KCNMB2: variants seen among roughly 807,000 people sequenced by gnomAD.
KCNMB2 encodes potassium calcium-activated channel subfamily M regulatory beta subunit 2.
In KCNMB2, 9 loss-of-function variants were observed where a neutral mutation model predicts 24.5. That is an observed-to-expected ratio of 0.37 (90% CI 0.22 to 0.64). The LOEUF is 0.64. Ranked by LOEUF, KCNMB2 falls within the 30% of genes least tolerant of loss-of-function variation. The pLI is 0.63. For missense variants in KCNMB2, 226 were observed against 284.3 expected (o/e 0.79, Z 1.47); for synonymous variants, 109 against 104.4 (o/e 1.04, Z -0.27).
intron 1 of KCNMB2, among the ~76,000 whole-genome samples, chr3:178,679,569 T>C (rs1252258047): frequency 6.6e-6 from 1 of 152,224 alleles, no homozygotes; most frequent in Non-Finnish European, 1.5e-5. Context: ...CAGAGTGACA[T>C]GCTGATTTAG....
intron 1 of KCNMB2, among the ~76,000 whole-genome samples, chr3:178,632,950 T>C (rs990090265): frequency 6.6e-6 from 1 of 152,194 alleles, no homozygotes; most frequent in African/African-American, 2.4e-5. Context: ...ACAAAGGGGC[T>C]ACAGGCCCCA....
chr3:178,795,015 C>T (rs1577194306), intron 1 of KCNMB2: 1 of 152,262 alleles, frequency 6.6e-6, no homozygotes, highest in Middle Eastern at 3.4e-3. Flanking sequence ...GGAGGGGACT[C>T]TGAATTAAAG....
intron 1 of KCNMB2, among the ~76,000 whole-genome samples, chr3:178,588,154 T>C (rs1560120483): frequency 6.6e-6 from 1 of 152,010 alleles, no homozygotes. Context: ...AGAGCACCTG[T>C]ACAACATCAG....
intron 1 of KCNMB2, among the ~76,000 whole-genome samples, chr3:178,744,553 C>T (rs1559998875): frequency 2.0e-5 from 3 of 152,234 alleles, no homozygotes; most frequent in East Asian, 3.9e-4. Context: ...CAAACCAATC[C>T]CTGTTTCCAT....
intron 1 of KCNMB2, among the ~76,000 whole-genome samples, chr3:178,637,451 G>C (rs1163294210): frequency 1.3e-5 from 2 of 152,200 alleles, no homozygotes; most frequent in African/African-American, 2.4e-5. Flanking sequence ...TTATGACACA[G>C]CAGAACTTGG....
At chr3:178,789,114 T>A (rs1713223307) in intron 1 of KCNMB2, among the ~76,000 whole-genome samples, 1 of 152,196 alleles carries the variant, frequency 6.6e-6, no homozygotes, top group African/African-American at 2.4e-5. Context: ...AAGCTGTGAA[T>A]AAAAGCCCAT....
At chr3:178,539,944 A>G (rs953994348) in intron 1 of KCNMB2, among the ~76,000 whole-genome samples, 6 of 152,102 alleles carry the variant, frequency 3.9e-5, no homozygotes, top group African/African-American at 1.4e-4. Context: ...GCCCTCAGAA[A>G]CTTCCCGTAT....
At chr3:178,642,866 G>T (rs1412913641) in intron 1 of KCNMB2, among the ~76,000 whole-genome samples, 1 of 152,208 alleles carries the variant, frequency 6.6e-6, no homozygotes, top group Non-Finnish European at 1.5e-5. Flanking sequence ...ATTCATGGCA[G>T]TGGATTTCAA....
chr3:178,556,961 C>T (rs1043323794), intron 1 of KCNMB2, among the ~76,000 whole-genome samples: 5 of 152,112 alleles, frequency 3.3e-5, no homozygotes, highest in Non-Finnish European at 7.3e-5. Context: ...TGCATAGAAT[C>T]GTAGCTTGAG....
rs1715494063 is a variant in KCNMB2, at chr3:178,843,238, G to A, written c.*301G>A. Reference sequence around the variant, plus strand: ...CTCAGTTATTCATTTGCCAAGCTTCGTGGAGGAATGTAGGTGACATCAATG... The same window carrying A: ...CTCAGTTATTCATTTGCCAAGCTTCATGGAGGAATGTAGGTGACATCAATG... On this transcript the variant is annotated 3_prime_UTR_variant, in exon 5 of 5. Coordinates refer to ENST00000452583, the MANE Select transcript of KCNMB2 (RefSeq NM_181361.3). 2.0e-6 allele frequency: 1 copy of A among 496,424 alleles called. No homozygotes were observed. Among genetic ancestry groups the A allele is most frequent in the South Asian group, 1.5e-5 (1 of 64,904 alleles). The allele number at this position is 496,424 out of a possible 1,614,324, so 30.8% of individuals were successfully genotyped here.
intron 1 of KCNMB2, among the ~76,000 whole-genome samples, chr3:178,778,382 A>G (rs1026110504): frequency 6.6e-6 from 1 of 152,008 alleles, no homozygotes; most frequent in African/African-American, 2.4e-5. Context: ...CACATGGTCA[A>G]TAAGGAGGAA....
At chr3:178,696,018 G>A (rs565485602) in intron 1 of KCNMB2, among the ~76,000 whole-genome samples, 2 of 152,278 alleles carry the variant, frequency 1.3e-5, no homozygotes, top group South Asian at 4.1e-4. Flanking sequence ...TAAGATAAGA[G>A]GTTTAATTGA....
chr3:178,625,414 C>T (rs903128343), intron 1 of KCNMB2, among the ~76,000 whole-genome samples: 2 of 152,218 alleles, frequency 1.3e-5, no homozygotes, highest in Non-Finnish European at 2.9e-5. Context: ...CCGGCCCGCC[C>T]CTAGGCCTTC....
chr3:178,626,773 G>A (rs1719133818), intron 1 of KCNMB2, among the ~76,000 whole-genome samples: 1 of 151,092 alleles, frequency 6.6e-6, no homozygotes, highest in African/African-American at 2.4e-5. Flanking sequence ...ATTTGGGTGG[G>A]GACACAAAGC....
intron 1 of KCNMB2, among the ~76,000 whole-genome samples, chr3:178,614,247 T>TTATTTA (rs1718600854): frequency 3.7e-5 from 2 of 53,466 alleles, no homozygotes; most frequent in African/African-American, 6.6e-5. Flanking sequence ...TGGGCTAATT[T>TTATTTA]TATATATATA....
chr3:178,837,482 C>CT (rs1715276396), intron 4 of KCNMB2, among the ~76,000 whole-genome samples: 2 of 152,108 alleles, frequency 1.3e-5, no homozygotes, highest in African/African-American at 4.8e-5. Context: ...CACCAAAGGA[C>CT]TTATCAATAA....
At chr3:178,794,024 T>C (rs1713432404) in intron 1 of KCNMB2, among the ~76,000 whole-genome samples, 3 of 152,092 alleles carry the variant, frequency 2.0e-5, no homozygotes, top group Admixed American at 2.0e-4. Context: ...ACCAAGGTCT[T>C]CACAGGCTGG....
chr3:178,673,162 C>T (rs1720963313), intron 1 of KCNMB2, among the ~76,000 whole-genome samples: 1 of 152,114 alleles, frequency 6.6e-6, no homozygotes, highest in Non-Finnish European at 1.5e-5. Flanking sequence ...TCATTACAAT[C>T]ATTCAGAAAA....
Position 178,843,339 on chromosome 3 carries a change from C to G in KCNMB2, c.*402C>G. ...CATCACTTATTGTTTACTAAAGCTA[C>G]AGCCAAAAATATTTTTTTTTCTTAT... On this transcript the variant is annotated 3_prime_UTR_variant, in exon 5 of 5. Coordinates refer to ENST00000452583, the MANE Select transcript of KCNMB2 (RefSeq NM_181361.3). The G allele has an allele frequency of 2.7e-6, 1 of 371,302 alleles. No homozygotes were observed. Among genetic ancestry groups the G allele is most frequent in the South Asian group, 2.0e-5 (1 of 50,496 alleles). 23.0% of individuals were successfully genotyped at this position (371,302 alleles called of 1,614,324 possible).
Sources: gnomAD v4.1 joint callset for allele counts (sites outside exome capture counted in the v4.1 genomes callset) on GRCh38, gnomAD v4.1.1 for gene constraint, MANE v1.5 for transcripts, NCBI Gene and HGNC (gene_info 2026-07-23, HGNC 2026-07-21) for gene names.